The following UCK2 variants were observed in gnomAD, a reference collection of about 807,000 sequenced individuals.
UCK2 encodes uridine-cytidine kinase 2.
Under a neutral mutation model 30.8 loss-of-function variants are expected in UCK2, and 6 were observed. That is an observed-to-expected ratio of 0.19 (90% CI 0.11 to 0.38). The LOEUF is 0.38. Ranked by LOEUF, UCK2 falls within the 10% of genes least tolerant of loss-of-function variation. The pLI is 1.00. For synonymous variants in UCK2, 125 were observed against 133.6 expected (o/e 0.94, Z 0.45); for missense variants, 210 against 339.8 (o/e 0.62, Z 3.00).
intron 4 of UCK2, among the ~76,000 whole-genome samples, chr1:165,902,393 C>A (rs1445737414): frequency 6.9e-6 from 1 of 145,318 alleles, no homozygotes; most frequent in East Asian, 2.0e-4. Flanking sequence ...ACCTGTGTGA[C>A]AGAGCAAGAC....
intron 4 of UCK2, chr1:165,902,461 G>A (rs976041975): frequency 1.3e-5 from 2 of 151,510 alleles, no homozygotes. Context: ...AATGGTAAAA[G>A]CCCCTGGATA....
intron 1 of UCK2, among the ~76,000 whole-genome samples, chr1:165,857,919 A>G (rs1410497223): frequency 2.6e-5 from 4 of 152,216 alleles, no homozygotes; most frequent in African/African-American, 9.7e-5. Context: ...TGATCTGACT[A>G]CTAGGAGAGA....
At chr1:165,893,192 G>A (rs1655813667) in intron 3 of UCK2, among the ~76,000 whole-genome samples, 1 of 152,222 alleles carries the variant, frequency 6.6e-6, no homozygotes, top group African/African-American at 2.4e-5. Context: ...GGCCTGACCA[G>A]TGCAGTCTAG....
intron 3 of UCK2, among the ~76,000 whole-genome samples, chr1:165,893,167 G>C (rs946127873): frequency 6.6e-6 from 1 of 152,206 alleles, no homozygotes; most frequent in Non-Finnish European, 1.5e-5. Flanking sequence ...ACTGAGCATG[G>C]TTGACAGGAG....
At chr1:165,906,963 G>T (rs886175725) in intron 6 of UCK2, among the ~76,000 whole-genome samples, 2 of 152,170 alleles carry the variant, frequency 1.3e-5, no homozygotes, top group African/African-American at 4.8e-5. Flanking sequence ...ACCTGGAGAT[G>T]TTCCCTATCT....
chr1:165,852,054 G>T (rs1349470509), intron 1 of UCK2, among the ~76,000 whole-genome samples: 1 of 152,200 alleles, frequency 6.6e-6, no homozygotes, highest in Non-Finnish European at 1.5e-5. Context: ...ATGTGTACAT[G>T]TGTCTTTATA....
intron 4 of UCK2, among the ~76,000 whole-genome samples, chr1:165,900,009 C>T (rs998928440): frequency 1.3e-5 from 2 of 152,216 alleles, no homozygotes; most frequent in Admixed American, 1.3e-4. Context: ...TGGGACTATT[C>T]CCTATCTTCC....
intron 1 of UCK2, among the ~76,000 whole-genome samples, chr1:165,839,124 TAAAG>T (rs1654266266): frequency 6.6e-6 from 1 of 152,202 alleles, no homozygotes; most frequent in Non-Finnish European, 1.5e-5. Context: ...GTCAAGCTCT[TAAAG>T]AACTGTCACC....
intron 1 of UCK2, among the ~76,000 whole-genome samples, chr1:165,877,667 G>A (rs955669179): frequency 6.6e-6 from 1 of 152,172 alleles, no homozygotes; most frequent in Non-Finnish European, 1.5e-5. Context: ...GCGTAATGAA[G>A]GCCATCTGGG....
chr1:165,874,992 A>T (rs181641012), intron 1 of UCK2, among the ~76,000 whole-genome samples: 10 of 152,110 alleles, frequency 6.6e-5, no homozygotes. Flanking sequence ...ACGTGAAGAA[A>T]ATAAAACTAA....
intron 1 of UCK2, among the ~76,000 whole-genome samples, chr1:165,889,416 C>T (rs528768990): frequency 6.6e-6 from 1 of 152,356 alleles, no homozygotes; most frequent in Admixed American, 6.5e-5. Context: ...CCCCTCAGCA[C>T]ATCATCACCA....
Position 165,827,869 on chromosome 1 carries a change from C to G in UCK2, c.36C>G (p.His12Gln), listed in dbSNP as rs1451828540. 7 of 1,481,340 alleles carry G rather than the reference C, an allele frequency of 4.7e-6. No individual in the cohort carries two copies. Among genetic ancestry groups the G allele is most frequent in the African/African-American group, 2.9e-5 (2 of 69,250 alleles). The allele number at this position is 1,481,340 out of a possible 1,614,324, so 91.8% of individuals were successfully genotyped here. ...ACAGCGAGCAGACCCTGCAGAACCA[C>G]CAGCAGCCCAACGGCGGCGAGCCCT... The part of the protein sequence containing the change: ...AGDSEQTLQN[H>Q]QQPNGGEPFL... The change falls in exon 1 of 7, where the codon CAC becomes CAG. Residue 12 changes from histidine to glutamine, a missense_variant. This residue lies in a region of UCK2 where 50 missense variants were observed against 41.0 expected (regional missense o/e 1.22). Coordinates refer to ENST00000367879, the MANE Select transcript of UCK2 (RefSeq NM_012474.5).
intron 1 of UCK2, among the ~76,000 whole-genome samples, chr1:165,851,561 ATATT>A (rs1466044952): frequency 6.6e-6 from 1 of 152,162 alleles, no homozygotes; most frequent in Admixed American, 6.5e-5. Context: ...GACCCCTGCA[ATATT>A]TATTAAAATG....
chr1:165,906,032 G>A (rs1647647645), intron 6 of UCK2, 63 bp downstream of exon 6: 2 of 1,522,662 alleles, frequency 1.3e-6, no homozygotes, highest in South Asian at 1.1e-5. Flanking sequence ...CATAATTTGG[G>A]GCAGGATGTG....
intron 1 of UCK2, among the ~76,000 whole-genome samples, chr1:165,882,175 C>T (rs1056045114): frequency 6.6e-6 from 1 of 152,152 alleles, no homozygotes; most frequent in Non-Finnish European, 1.5e-5. Context: ...GGTGACAGAG[C>T]AGTGGTCTGG....
intron 1 of UCK2, among the ~76,000 whole-genome samples, chr1:165,846,809 A>G (rs186946968): frequency 7.5e-4 from 114 of 152,286 alleles, no homozygotes; most frequent in Non-Finnish European, 1.2e-3. Flanking sequence ...CCAGAAAATG[A>G]TATCAGTGGG....
At chr1:165,836,507 G>A (rs1571263147) in intron 1 of UCK2, among the ~76,000 whole-genome samples, 1 of 152,236 alleles carries the variant, frequency 6.6e-6, no homozygotes, top group African/African-American at 2.4e-5. Flanking sequence ...AAATACAGTG[G>A]ATTTTTTGAA....
chr1:165,875,691 C>T lies in UCK2; in HGVS notation c.100-14513C>T, dbSNP rs144566203. Among the ~76,000 whole-genome samples the T allele has an allele frequency of 8.5e-5, 13 of 152,250 alleles. No homozygotes were observed. The East Asian group carries it at 1.9e-3, about 23-fold the overall frequency. ...GTGGCTCACAGAACTCAGGGAAACACTTATGTTTACTGGTTTATTATAAAG... is the reference window on the plus strand; with the variant it reads ...GTGGCTCACAGAACTCAGGGAAACATTTATGTTTACTGGTTTATTATAAAG... On this transcript the variant is annotated intron_variant, in intron 1 of 6. Coordinates refer to ENST00000367879, the MANE Select transcript of UCK2 (RefSeq NM_012474.5).
chr1:165,897,709 A>T (rs376207658), intron 4 of UCK2, among the ~76,000 whole-genome samples: 16 of 152,210 alleles, frequency 1.1e-4, no homozygotes, highest in East Asian at 5.8e-4. Flanking sequence ...TAATTGTAAG[A>T]ACTATTCATG....
Sources: gnomAD v4.1 joint callset for allele counts (sites outside exome capture counted in the v4.1 genomes callset) on GRCh38, gnomAD v4.1.1 for gene constraint, gnomAD v4.1.1 regional missense constraint, MANE v1.5 for transcripts, NCBI Gene and HGNC (gene_info 2026-07-23, HGNC 2026-07-21) for gene names.